The following CPAMD8 variants were observed in gnomAD, a reference collection of about 807,000 sequenced individuals.
The protein encoded by CPAMD8 is C3 and PZP-like alpha-2-macroglobulin domain-containing protein 8.
In CPAMD8, 146 loss-of-function variants were observed where a neutral mutation model predicts 224.7. The ratio of observed to expected loss-of-function variants is 0.65; its 90% CI spans 0.57 to 0.75. The LOEUF (loss-of-function observed/expected upper bound fraction) is 0.75, where lower values mean the gene tolerates loss of function less well. CPAMD8 is among the 30% of genes least tolerant of loss of function. CPAMD8 has a pLI of 0.00. For synonymous variants in CPAMD8, 966 were observed against 1,044.6 expected, an observed-to-expected ratio of 0.92 and a Z score of 1.45; for missense variants, 2,301 against 2,537.5, an observed-to-expected ratio of 0.91 and a Z score of 2.00.
At chr19:17,008,818 T>C (rs943860925) in intron 6 of CPAMD8, 8 of 537,830 alleles carry the variant, frequency 1.5e-5, no homozygotes, top group Admixed American at 3.1e-5. Flanking sequence ...CTGGGTGTGG[T>C]GGCTCACACC....
intron 23 of CPAMD8, among the ~76,000 whole-genome samples, chr19:16,932,155 T>C (rs2053564704): frequency 6.6e-6 from 1 of 151,876 alleles, no homozygotes; most frequent in African/African-American, 2.4e-5. Flanking sequence ...ATTAGCTGAG[T>C]GTGGTGGCTC....
intron 39 of CPAMD8, 29 bp downstream of exon 39, chr19:16,897,662 G>C: frequency 7.7e-7 from 1 of 1,290,542 alleles, no homozygotes; most frequent in East Asian, 2.6e-5. Flanking sequence ...AGGCCGCGGT[G>C]GGGGGCGGCA....
intron 25 of CPAMD8, among the ~76,000 whole-genome samples, chr19:16,927,330 C>T (rs1267843309): frequency 6.6e-6 from 1 of 152,074 alleles, no homozygotes; most frequent in Admixed American, 6.5e-5. Flanking sequence ...CTCATTCTCT[C>T]ATTCTCCCTG....
intron 8 of CPAMD8, among the ~76,000 whole-genome samples, chr19:17,003,446 C>G (rs897019917): frequency 1.3e-5 from 2 of 151,902 alleles, no homozygotes; most frequent in African/African-American, 4.8e-5. Context: ...GATCCTCCAG[C>G]CTCAGCTTCC....
At chr19:16,907,158 C>T in intron 29 of CPAMD8, 41 bp from the exon 30 acceptor site, 4 of 1,483,730 alleles carry the variant, frequency 2.7e-6, no homozygotes, top group Middle Eastern at 4.8e-4. Context: ...GGAGGCTGCT[C>T]TGCCCCCATC....
rs1347650128 is a variant in CPAMD8, at chr19:16,896,338, G to T, written c.5276-12C>A. ...CGGCAGCCGCTGCTCTGGAAGGAAG[G>T]GGGCCTCGGTCGGGAGGGCGTGGCG... is the stretch of plus-strand genomic sequence containing the variant. On this transcript the variant is annotated splice_polypyrimidine_tract_variant and intron_variant, in intron 40 of 41. Coordinates refer to ENST00000443236, the MANE Select transcript of CPAMD8 (RefSeq NM_015692.5). 4.4e-6 allele frequency: 7 copies of T among 1,596,654 alleles called. No individual in the cohort carries two copies. The highest frequency in any genetic ancestry group is 6.0e-6 in the Non-Finnish European group (7 of 1,171,312).
At chr19:16,964,249 G>A (rs192534407) in intron 18 of CPAMD8, among the ~76,000 whole-genome samples, 31 of 152,228 alleles carry the variant, frequency 2.0e-4, no homozygotes, top group African/African-American at 6.7e-4. Context: ...ATGAATCCAG[G>A]AGCTGGTTTT....
At position 16,976,130 on chromosome 19, in the gene CPAMD8, T is replaced by G; in HGVS notation, c.1780A>C (p.Asn594His). 2 of 1,611,926 alleles carry G rather than the reference T, an allele frequency of 1.2e-6. No homozygotes were observed. Among genetic ancestry groups the G allele is most frequent in the Non-Finnish European group, 1.7e-6 (2 of 1,178,922 alleles). ...ACAACCTCCCCAGGTTGGGTCTCAT[T>G]TGCTGAATACGTCACTGAAACCTTG... Reference protein sequence around the residue: ...ENQVSVTYSANETQPGEVVDL... With the variant: ...ENQVSVTYSAHETQPGEVVDL... Residue 594 changes from asparagine to histidine, a missense_variant, in exon 16 of 42, where the codon AAT becomes CAT. By Grantham distance (68) the Asn-to-His change is moderately conservative. This residue lies in a region of CPAMD8 where 1,709 missense variants were observed against 1,753.2 expected (regional missense o/e 0.97). Transcript: ENST00000443236.
At chr19:16,937,446 T>C (rs1247834499) in intron 23 of CPAMD8, among the ~76,000 whole-genome samples, 1 of 152,158 alleles carries the variant, frequency 6.6e-6, no homozygotes, top group Non-Finnish European at 1.5e-5. Flanking sequence ...CATTCTCGTG[T>C]AAGGTGTGAT....
At chr19:16,916,806 G>T (rs1030063386) in intron 27 of CPAMD8, among the ~76,000 whole-genome samples, 1 of 152,044 alleles carries the variant, frequency 6.6e-6, no homozygotes, top group African/African-American at 2.4e-5. Context: ...CATCCAGGCC[G>T]TTCTCCCTCT....
At chr19:16,972,131 C>G (rs1393638491) in intron 17 of CPAMD8, among the ~76,000 whole-genome samples, 1 of 152,076 alleles carries the variant, frequency 6.6e-6, no homozygotes, top group African/African-American at 2.4e-5. Flanking sequence ...TGACCCCAAC[C>G]AAGGACCAAC....
At chr19:16,978,949 TCCATCCATCATCCACCCAC>T (rs1289670643) in intron 14 of CPAMD8, among the ~76,000 whole-genome samples, 1 of 151,096 alleles carries the variant, frequency 6.6e-6, no homozygotes, top group African/African-American at 2.4e-5. Context: ...CATCCATTTA[TCCATCCATCATCCACCCAC>T]CCATCCACCA....
In CPAMD8 at chr19:16,980,695, G is replaced by A; in HGVS notation, c.1396-9C>T. ...TAGGCTTCTTCCCCAACCTATGGAA[G>A]ACACGCAGCATGGGGGGCTCTGCCT... On this transcript the variant is annotated splice_polypyrimidine_tract_variant and intron_variant, in intron 13 of 41. Coordinates refer to ENST00000443236, the MANE Select transcript of CPAMD8 (RefSeq NM_015692.5). 6.6e-7 allele frequency: 1 copy of A among 1,519,814 alleles called. No individual in the cohort carries two copies. Among genetic ancestry groups the A allele is most frequent in the Non-Finnish European group, 8.8e-7 (1 of 1,134,042 alleles). The allele number at this position is 1,519,814 out of a possible 1,614,324, so 94.1% of individuals were successfully genotyped here.
chr19:16,946,708 G>C (rs2054111181), intron 21 of CPAMD8, among the ~76,000 whole-genome samples: 1 of 141,742 alleles, frequency 7.1e-6, no homozygotes. Context: ...GTGTGGATTT[G>C]TGGTGTGTGT....
intron 7 of CPAMD8, among the ~76,000 whole-genome samples, chr19:17,005,125 TCACCAAAGGTCA>T (rs1308553326): frequency 3.4e-4 from 49 of 143,234 alleles, no homozygotes; most frequent in Non-Finnish European, 6.7e-4. Context: ...TGGCCTCCAC[TCACCAAAGGTCA>T]GTAGTACCAA....
At chr19:16,982,708 C>T (rs73505535) in intron 13 of CPAMD8, among the ~76,000 whole-genome samples, 2,171 of 152,132 alleles carry the variant, frequency 0.014, 53 homozygotes, top group African/African-American at 0.049. Flanking sequence ...TGTGGTGGCA[C>T]AAGCCCATAG....
intron 7 of CPAMD8, among the ~76,000 whole-genome samples, chr19:17,006,182 G>C (rs2056487174): frequency 3.3e-5 from 5 of 152,048 alleles, no homozygotes; most frequent in Admixed American, 3.3e-4. Flanking sequence ...GGCTGGTCTT[G>C]AACTCCTGAC....
intron 23 of CPAMD8, 24 bp downstream of exon 23, chr19:16,938,371 G>C: frequency 6.8e-7 from 1 of 1,475,016 alleles, no homozygotes. Context: ...CCACACCTTA[G>C]CAGAATGGGC....
At chr19:16,975,067 G>A in intron 17 of CPAMD8, 30 bp downstream of exon 17, 8 of 1,604,468 alleles carry the variant, frequency 5.0e-6, no homozygotes, top group Non-Finnish European at 6.0e-6. Flanking sequence ...TTAGAAGGGG[G>A]CAGAGGGATC....
Sources: gnomAD v4.1 joint callset for allele counts (sites outside exome capture counted in the v4.1 genomes callset) on GRCh38, gnomAD v4.1.1 for gene constraint, gnomAD v4.1.1 regional missense constraint, MANE v1.5 for transcripts, NCBI Gene and HGNC (gene_info 2026-07-23, HGNC 2026-07-21) for gene names.